PLCE1: variants seen among roughly 807,000 people sequenced by gnomAD.
PLCE1 encodes the protein 1-phosphatidylinositol 4,5-bisphosphate phosphodiesterase epsilon-1.
PLCE1 carries 119 observed loss-of-function variants against 242.8 expected under a neutral mutation model. The observed-to-expected ratio is 0.49, with a 90% confidence interval of 0.42 to 0.57. The LOEUF (loss-of-function observed/expected upper bound fraction) is 0.57. PLCE1 is among the 20% of genes least tolerant of loss of function. The pLI is 0.00. For missense variants in PLCE1, 2,441 were observed against 2,788.8 expected, an observed-to-expected ratio of 0.88 and a Z score of 2.81; for synonymous variants, 945 against 1,017.4, an observed-to-expected ratio of 0.93 and a Z score of 1.35.
chr10:94,029,657 C>T (rs1455453046), intron 1 of PLCE1, among the ~76,000 whole-genome samples: 1 of 151,994 alleles, frequency 6.6e-6, no homozygotes. Flanking sequence ...CTGGGAGCCT[C>T]TCACCCTTGA....
In PLCE1 at chr10:94,321,898, T is replaced by C; in HGVS notation, c.6343-3T>C. ...TACTCACATTTTTTCTTTTTAAACA[T>C]AGAACCTAGAAGAGAAAAACATTGT... On this transcript the variant is annotated splice_region_variant and splice_polypyrimidine_tract_variant and intron_variant, in intron 29 of 32. Transcript: ENST00000371380. 3 of 1,610,778 alleles carry C rather than the reference T, an allele frequency of 1.9e-6. No homozygotes were observed. Among genetic ancestry groups the C allele is most frequent in the Non-Finnish European group, 2.5e-6 (3 of 1,177,008 alleles).
chr10:94,242,326 CAG>C (rs1356651370), intron 7 of PLCE1, among the ~76,000 whole-genome samples: 1 of 151,406 alleles, frequency 6.6e-6, no homozygotes, highest in African/African-American at 2.4e-5. Flanking sequence ...TTTTTTGAGA[CAG>C]AGTCTTGTTC....
chr10:94,297,998 T>C (rs2052902485), intron 23 of PLCE1, among the ~76,000 whole-genome samples: 1 of 152,224 alleles, frequency 6.6e-6, no homozygotes, highest in South Asian at 2.1e-4. Flanking sequence ...TTGATGTTGC[T>C]ACATTCATTT....
rs777804441 is a variant in PLCE1, at chr10:94,279,939, C to T, written c.4795+28C>T. ...AAGAGAAACAGATCCCTATGCTGTGCACAGGAAAATTCTTGGATGATTTGC... is the reference window on the plus strand; with the variant it reads ...AAGAGAAACAGATCCCTATGCTGTGTACAGGAAAATTCTTGGATGATTTGC... On this transcript the variant is annotated intron_variant, in intron 20 of 32. Transcript: ENST00000371380. 7 of 1,612,108 alleles carry T rather than the reference C, an allele frequency of 4.3e-6. No homozygotes were observed. In the Admixed American group the frequency reaches 5.0e-5, roughly 12 times the overall value.
chr10:94,251,924 C>A (rs1008226738), intron 8 of PLCE1, among the ~76,000 whole-genome samples: 2 of 152,172 alleles, frequency 1.3e-5, no homozygotes, highest in African/African-American at 2.4e-5. Context: ...ACAAATACAA[C>A]TTGATTTTAC....
intron 5 of PLCE1, 123 bp from the exon 6 acceptor site, chr10:94,233,931 G>A: frequency 1.2e-6 from 1 of 851,522 alleles, no homozygotes; most frequent in Non-Finnish European, 1.9e-6. Context: ...CTGGGCAACA[G>A]AGTGAGACTC....
intron 25 of PLCE1, among the ~76,000 whole-genome samples, chr10:94,305,774 C>T (rs1317278308): frequency 6.6e-6 from 1 of 152,166 alleles, no homozygotes; most frequent in Non-Finnish European, 1.5e-5. Context: ...AATCCTGTGG[C>T]ATTTTGAACA....
intron 1 of PLCE1, among the ~76,000 whole-genome samples, chr10:94,005,442 A>G (rs955665324): frequency 2.0e-5 from 3 of 152,216 alleles, no homozygotes; most frequent in Non-Finnish European, 4.4e-5. Context: ...TCCTCATTCT[A>G]TATCCAGGAT....
intron 4 of PLCE1, among the ~76,000 whole-genome samples, chr10:94,198,585 C>T (rs1428984115): frequency 1.3e-5 from 2 of 152,230 alleles, no homozygotes; most frequent in African/African-American, 4.8e-5. Flanking sequence ...CAAAAGTTTT[C>T]ATCCCAAAAG....
chr10:94,176,769 T>G (rs1033783315), intron 4 of PLCE1, among the ~76,000 whole-genome samples: 1 of 152,146 alleles, frequency 6.6e-6, no homozygotes, highest in Non-Finnish European at 1.5e-5. Flanking sequence ...TAAATAGCAG[T>G]CTGCCAGAAG....
In PLCE1 at chr10:94,266,577, T is replaced by C. The variant is rs543330696; in HGVS notation, c.4281+619T>C. ...AACATCCAACTTGCAATGATCTGCGTGTCCATTGCCTCTCTGCTGGATGGT... is the reference window on the plus strand; with the variant it reads ...AACATCCAACTTGCAATGATCTGCGCGTCCATTGCCTCTCTGCTGGATGGT... On this transcript the variant is annotated intron_variant, in intron 16 of 32. Transcript: ENST00000371380. 9.8e-4 allele frequency among the ~76,000 whole-genome samples: 150 copies of C among 152,342 alleles called. 1 individual carries two copies. The highest frequency in any genetic ancestry group is 5.6e-4 in the Non-Finnish European group (38 of 68,022).
rs2054127095 is a variant in PLCE1 at position 94,329,094 on chromosome 10, A to G, written c.*1151A>G. 6.6e-6 allele frequency: 1 copy of G among 152,214 alleles called. No homozygotes were observed. The highest frequency in any genetic ancestry group is 2.1e-4 in the South Asian group (1 of 4,830). The allele number at this position is 152,214 out of a possible 1,614,324, so 9.4% of individuals were successfully genotyped here. On this transcript the variant is annotated 3_prime_UTR_variant, in exon 33 of 33. Transcript: ENST00000371380. ...TCAGTACTTGAAGACAAACTTCTAA[A>G]AAGAAAATATATGCTCTGAACATCT...
At chr10:94,187,459 G>A (rs1254954620) in intron 4 of PLCE1, among the ~76,000 whole-genome samples, 1 of 152,114 alleles carries the variant, frequency 6.6e-6, no homozygotes, top group Non-Finnish European at 1.5e-5. Flanking sequence ...GACTTATGCT[G>A]AGGTACATGG....
intron 1 of PLCE1, among the ~76,000 whole-genome samples, chr10:94,005,786 T>C (rs965537925): frequency 6.6e-6 from 1 of 152,200 alleles, no homozygotes; most frequent in Non-Finnish European, 1.5e-5. Context: ...ATTGAGTCTG[T>C]GGTTTCTTAG....
In PLCE1 at chr10:94,319,931, G is replaced by A. The variant is rs373837153; in HGVS notation, c.6343-1970G>A. On this transcript the variant is annotated intron_variant, in intron 29 of 32. Transcript: ENST00000371380. ...ATTGCCCAGGCTGGAGTGCAGTGGC[G>A]CGATCTCAGCTCACTGCAAATTCCG... Among the ~76,000 whole-genome samples, 143 of 144,744 alleles carry A rather than the reference G, an allele frequency of 9.9e-4. 3 individuals are homozygous for A. In the South Asian group the frequency reaches 0.027, roughly 27 times the overall value. 95.0% of individuals were successfully genotyped at this position (144,744 alleles called of 152,430 possible).
chr10:94,316,235 A>G (rs1208000125), intron 28 of PLCE1, among the ~76,000 whole-genome samples: 1 of 152,232 alleles, frequency 6.6e-6, no homozygotes, highest in African/African-American at 2.4e-5. Flanking sequence ...CTGTGTTGCA[A>G]GATTACAAAG....
intron 1 of PLCE1, among the ~76,000 whole-genome samples, chr10:94,011,628 G>A (rs2061169508): frequency 1.3e-5 from 2 of 152,180 alleles, no homozygotes; most frequent in African/African-American, 4.8e-5. Flanking sequence ...AAGCTGGAGT[G>A]ATTTATCTGG....
chr10:94,174,680 C>A (rs914893924), intron 4 of PLCE1, among the ~76,000 whole-genome samples: 1 of 151,970 alleles, frequency 6.6e-6, no homozygotes, highest in African/African-American at 2.4e-5. Flanking sequence ...CCACATAAAT[C>A]TAGCAATGAA....
At chr10:94,060,388 G>T (rs530959305) in intron 2 of PLCE1, among the ~76,000 whole-genome samples, 2 of 152,042 alleles carry the variant, frequency 1.3e-5, no homozygotes, top group Non-Finnish European at 2.9e-5. Flanking sequence ...ACAACTGATA[G>T]AACTGGTTAG....
Sources: gnomAD v4.1 joint callset for allele counts (sites outside exome capture counted in the v4.1 genomes callset) on GRCh38, gnomAD v4.1.1 for gene constraint, MANE v1.5 for transcripts, NCBI Gene and HGNC (gene_info 2026-07-23, HGNC 2026-07-21) for gene names.